The following DNAJC7 variants were observed in gnomAD, a reference collection of about 807,000 sequenced individuals.
The protein encoded by DNAJC7 is DnaJ heat shock protein family (Hsp40) member C7.
A neutral mutation model predicts 67.4 loss-of-function variants in DNAJC7; 18 were observed. The observed-to-expected ratio is 0.27, with a 90% CI of 0.18 to 0.40. The LOEUF is 0.40. Ranked by LOEUF, DNAJC7 falls within the 10% of genes least tolerant of loss-of-function variation. The probability of loss-of-function intolerance (pLI) is 1.00; values close to 1 mark genes in which losing one functional copy is unlikely to be tolerated. For missense variants in DNAJC7, 419 were observed against 613.8 expected (o/e 0.68, Z 3.35); for synonymous variants, 220 against 207.8 (o/e 1.06, Z -0.50).
intron 1 of DNAJC7, among the ~76,000 whole-genome samples, chr17:42,006,386 GGCTCAC>G (rs1309769457): frequency 6.6e-6 from 1 of 151,306 alleles, no homozygotes; most frequent in African/African-American, 2.4e-5. Context: ...GGAAATTATA[GGCTCAC>G]GCCTATAATC....
rs1384510218 is a variant in DNAJC7, at chr17:42,014,595, A to AT, written c.77+2744dup. The AT allele has an allele frequency of 8.3e-3, 1,162 of 140,318 alleles. 8 individuals carry two copies. The highest frequency in any genetic ancestry group is 0.024 in the East Asian group (114 of 4,686). The allele number at this position is 140,318 out of a possible 1,614,324, so 8.7% of individuals were successfully genotyped here. ...ATGCATTTTTTTCTTTTTTTAATTG[A>AT]TTTTTTTTTTTTTGAGACGGAGTTT... On this transcript the variant is annotated intron_variant, in intron 1 of 13. Coordinates refer to ENST00000457167, the MANE Select transcript of DNAJC7 (RefSeq NM_003315.4).
In DNAJC7 at chr17:41,982,405, C is replaced by T; in HGVS notation, c.1085-4G>A. Reference sequence around the variant, plus strand: ...TTTTTTAGGAGCTGTTTGTGTTCTACAGGAAGACATCTGGCATCAGTGGAC... The same window carrying T: ...TTTTTTAGGAGCTGTTTGTGTTCTATAGGAAGACATCTGGCATCAGTGGAC... On this transcript the variant is annotated splice_region_variant and splice_polypyrimidine_tract_variant and intron_variant, in intron 10 of 13. Transcript: ENST00000457167. The T allele has an allele frequency of 6.2e-7, 1 of 1,613,698 alleles. No homozygotes were observed. The highest frequency in any genetic ancestry group is 8.5e-7 in the Non-Finnish European group (1 of 1,179,748).
Position 41,994,870 on chromosome 17 carries a change from C to T in DNAJC7, c.480G>A (p.Lys160=). 6.2e-7 allele frequency: 1 copy of T among 1,613,810 alleles called. No individual in the cohort carries two copies. Among genetic ancestry groups the T allele is most frequent in the African/African-American group, 1.3e-5 (1 of 75,006 alleles). The change falls in exon 5 of 14, where the codon AAG becomes AAA. Residue 160 remains lysine, a splice_region_variant and synonymous_variant. Coordinates refer to ENST00000457167, the MANE Select transcript of DNAJC7 (RefSeq NM_003315.4). ...AGATTATCTCATGGTTGTACTGTAC[C>T]TTCCGAAAATCTCGCTTCTCAAAAT... The part of the protein sequence containing the change: ...ETDFEKRDFR[K]VVFCMDRALE...
At chr17:42,009,286 A>G (rs539304158) in intron 1 of DNAJC7, among the ~76,000 whole-genome samples, 105 of 152,348 alleles carry the variant, frequency 6.9e-4, no homozygotes, top group African/African-American at 2.5e-3. Flanking sequence ...CTGGGTGGAC[A>G]TTCAAGGAGA....
At chr17:42,004,221 C>T (rs989757377) in intron 1 of DNAJC7, among the ~76,000 whole-genome samples, 8 of 152,208 alleles carry the variant, frequency 5.3e-5, no homozygotes, top group Non-Finnish European at 8.8e-5. Flanking sequence ...TCTCAAAGTG[C>T]TAGTAGGATT....
rs1021832377 is a variant in DNAJC7 at position 42,000,159 on chromosome 17, C to T, written c.166+323G>A. On this transcript the variant is annotated intron_variant, in intron 2 of 13. Transcript: ENST00000457167. The stretch of plus-strand genomic sequence containing the variant: ...TTTGAGATGAAGTCTTGCTTTGTTG[C>T]CCAGGTTGGAGTGCAGTGGCACAAT... 4.7e-5 allele frequency among the ~76,000 whole-genome samples: 7 copies of T among 147,566 alleles called. No individual in the cohort carries two copies. In the South Asian group the frequency reaches 1.1e-3, roughly 23 times the overall value.
At chr17:41,999,804 C>T (rs527819248) in intron 2 of DNAJC7, among the ~76,000 whole-genome samples, 5 of 152,302 alleles carry the variant, frequency 3.3e-5, no homozygotes, top group African/African-American at 1.2e-4. Context: ...TAGGCGTGAG[C>T]CACTGAGCCT....
intron 1 of DNAJC7, among the ~76,000 whole-genome samples, chr17:42,006,936 A>C (rs1555650402): frequency 6.6e-6 from 1 of 151,540 alleles, no homozygotes; most frequent in East Asian, 1.9e-4. Flanking sequence ...CATCTCTACT[A>C]AAAGTACAAA....
At chr17:42,008,713 CAT>C (rs1175624150) in intron 1 of DNAJC7, among the ~76,000 whole-genome samples, 1 of 148,960 alleles carries the variant, frequency 6.7e-6, no homozygotes, top group Non-Finnish European at 1.5e-5. Context: ...CCGGGTCAGA[CAT>C]ATATTTTTTG....
At chr17:41,998,977 G>C (rs568363900) in intron 2 of DNAJC7, among the ~76,000 whole-genome samples, 2 of 151,948 alleles carry the variant, frequency 1.3e-5, no homozygotes, top group African/African-American at 4.8e-5. Flanking sequence ...CTTGAGCCCA[G>C]GAGTTTGAGA....
In DNAJC7 at chr17:41,989,469, C is replaced by G; in HGVS notation, c.688G>C (p.Val230Leu). Residue 230 changes from valine to leucine, a missense_variant, in exon 7 of 14, where the codon GTT becomes CTT. Physicochemically the swap from Val to Leu is conservative, Grantham distance 32 (BLOSUM62 1). Around this residue, in one of 4 missense-constraint regions of DNAJC7, gnomAD observed 179 missense variants for 249.7 expected, o/e 0.72. Transcript: ENST00000457167. Reference sequence around the variant, plus strand: ...CTGAGAGCCTGTACGAAAAACTGAACTGCCTTCTCAATACAATCTTCGTAA... The same window carrying G: ...CTGAGAGCCTGTACGAAAAACTGAAGTGCCTTCTCAATACAATCTTCGTAA... Reference protein sequence around the residue: ...LYYEDCIEKAVQFFVQALRMA... With the variant: ...LYYEDCIEKALQFFVQALRMA... 6.2e-7 allele frequency: 1 copy of G among 1,614,064 alleles called. No individual in the cohort carries two copies. Among genetic ancestry groups the G allele is most frequent in the Admixed American group, 1.7e-5 (1 of 60,028 alleles).
chr17:41,990,337 G>A lies in DNAJC7; in HGVS notation c.526C>T (p.His176Tyr), dbSNP rs1404673284. The A allele has an allele frequency of 9.9e-6, 16 of 1,611,358 alleles. No individual in the cohort carries two copies. The highest frequency in any genetic ancestry group is 1.4e-5 in the Non-Finnish European group (16 of 1,178,882). ...TCTGCCTTGAGGATTTTGAAGCGAT[G>A]GCAGGCAGGGGCAAATTCTAGGGCA... is the stretch of plus-strand genomic sequence containing the variant. ...DRALEFAPAC[H>Y]RFKILKAECL... Residue 176 changes from histidine to tyrosine, a missense_variant, in exon 6 of 14, where the codon CAT becomes TAT. Around this residue, in one of 4 missense-constraint regions of DNAJC7, gnomAD observed 179 missense variants for 249.7 expected, o/e 0.72. Transcript: ENST00000457167.
intron 12 of DNAJC7, among the ~76,000 whole-genome samples, chr17:41,978,273 C>G (rs1011504761): frequency 1.1e-4 from 17 of 152,252 alleles, no homozygotes; most frequent in Admixed American, 6.5e-4. Context: ...ATCCCACAGC[C>G]ACCTCGTGCC....
chr17:41,976,486 T>C lies in DNAJC7; in HGVS notation c.*247A>G. 1 of 496,038 alleles carries C rather than the reference T, an allele frequency of 2.0e-6. No individual in the cohort carries two copies. The highest frequency in any genetic ancestry group is 3.5e-6 in the Non-Finnish European group (1 of 285,634). The allele number at this position is 496,038 out of a possible 1,614,324, so 30.7% of individuals were successfully genotyped here. ...CTTTTTTTTTTCTTTTTTAATAAAG[T>C]TAAACAGTAAAACAAAAATTCACAA... On this transcript the variant is annotated 3_prime_UTR_variant, in exon 14 of 14. Coordinates refer to ENST00000457167, the MANE Select transcript of DNAJC7 (RefSeq NM_003315.4).
chr17:41,999,693 G>C (rs149103504), intron 2 of DNAJC7, among the ~76,000 whole-genome samples: 4 of 151,800 alleles, frequency 2.6e-5, no homozygotes, highest in African/African-American at 9.7e-5. Flanking sequence ...GCAAATTTTT[G>C]TATTTTGTAG....
At chr17:41,993,683 C>T (rs1665572468) in intron 5 of DNAJC7, among the ~76,000 whole-genome samples, 1 of 152,076 alleles carries the variant, frequency 6.6e-6, no homozygotes, top group Non-Finnish European at 1.5e-5. Flanking sequence ...TTCCAAGCAC[C>T]ATCTAAAGAA....
rs1466243617 is a variant in DNAJC7 at position 42,003,950 on chromosome 17, A to T, written c.78-3380T>A. Among the ~76,000 whole-genome samples the T allele has an allele frequency of 6.4e-5, 6 of 94,326 alleles. No individual in the cohort carries two copies. In the South Asian group the frequency reaches 1.1e-3, roughly 18 times the overall value. 61.9% of individuals were successfully genotyped at this position (94,326 alleles called of 152,430 possible). On this transcript the variant is annotated intron_variant, in intron 1 of 13. Transcript: ENST00000457167. The stretch of plus-strand genomic sequence containing the variant: ...GAAGCATTTCCAATGAAGATTTTCA[A>T]TTTTTTTTTTTTTTTTTTTTTTTTA...
intron 1 of DNAJC7, among the ~76,000 whole-genome samples, chr17:42,004,352 C>A (rs147861356): frequency 1.3e-5 from 2 of 152,162 alleles, no homozygotes; most frequent in Non-Finnish European, 2.9e-5. Context: ...GATGGCTGCA[C>A]AGGTCTCCTA....
chr17:42,011,684 A>T (rs1001698918), intron 1 of DNAJC7: 1 of 152,230 alleles, frequency 6.6e-6, no homozygotes, highest in Non-Finnish European at 1.5e-5. Context: ...GTTCCAGGTC[A>T]AAGATAAATT....
Sources: gnomAD v4.1 joint callset for allele counts (sites outside exome capture counted in the v4.1 genomes callset) on GRCh38, gnomAD v4.1.1 for gene constraint, gnomAD v4.1.1 regional missense constraint, MANE v1.5 for transcripts, NCBI Gene and HGNC (gene_info 2026-07-23, HGNC 2026-07-21) for gene names.